The following WWC2 variants were observed in gnomAD, a reference collection of about 807,000 sequenced individuals.
WWC2 encodes WW and C2 domain containing 2, also known as protein WWC2.
A neutral mutation model predicts 138.5 loss-of-function variants in WWC2; 101 were observed. The ratio of observed to expected loss-of-function variants is 0.73; its 90% CI spans 0.62 to 0.86. The LOEUF is 0.86. Among genes scored for constraint, WWC2 ranks in the 40% least tolerant of loss-of-function variants. The pLI, the probability that WWC2 is intolerant of heterozygous loss-of-function variation, is 0.00. For missense variants in WWC2, 1,420 were observed against 1,419.4 expected (o/e 1.00, Z -0.01); for synonymous variants, 558 against 538.4 (o/e 1.04, Z -0.50).
intron 1 of WWC2, among the ~76,000 whole-genome samples, chr4:183,134,037 T>C (rs570159156): frequency 3.2e-4 from 48 of 152,336 alleles, no homozygotes; most frequent in Non-Finnish European, 6.3e-4. Context: ...CAGTTTCATT[T>C]TTTAAAGGAA....
chr4:183,123,734 CAT>C (rs1732675192), intron 1 of WWC2, among the ~76,000 whole-genome samples: 1 of 152,082 alleles, frequency 6.6e-6, no homozygotes. Flanking sequence ...GAATTTTCCA[CAT>C]GCCTTTTCAC....
intron 11 of WWC2, among the ~76,000 whole-genome samples, chr4:183,262,792 G>A (rs113712034): frequency 0.014 from 2,060 of 147,512 alleles, 26 homozygotes; most frequent in Non-Finnish European, 0.022. Flanking sequence ...GCGTGCGTGC[G>A]TGTGTGTGTG....
At chr4:183,118,387 G>A (rs1303545300) in intron 1 of WWC2, among the ~76,000 whole-genome samples, 1 of 152,080 alleles carries the variant, frequency 6.6e-6, no homozygotes, top group Non-Finnish European at 1.5e-5. Flanking sequence ...CCTGTTACAG[G>A]TTGCTGCACT....
intron 18 of WWC2, among the ~76,000 whole-genome samples, chr4:183,283,776 G>C (rs901755976): frequency 6.6e-6 from 1 of 152,068 alleles, no homozygotes; most frequent in Non-Finnish European, 1.5e-5. Flanking sequence ...CAAGTTTGTG[G>C]TATATTTCAT....
chr4:183,265,853 C>T lies in WWC2; in HGVS notation c.2121-12C>T, dbSNP rs1737487165. The stretch of plus-strand genomic sequence containing the variant: ...GGTGATTCCTGACTTCATTTAGCCT[C>T]TCTTTTGACAGATACAATGCAAAAA... On this transcript the variant is annotated splice_polypyrimidine_tract_variant and intron_variant, in intron 13 of 22. Transcript: ENST00000403733. The T allele has an allele frequency of 6.2e-7, 1 of 1,611,852 alleles. No homozygotes were observed. Among genetic ancestry groups the T allele is most frequent in the African/African-American group, 1.3e-5 (1 of 74,900 alleles).
At chr4:183,256,881 A>C (rs1272037522) in intron 9 of WWC2, among the ~76,000 whole-genome samples, 23 of 66,044 alleles carry the variant, frequency 3.5e-4, no homozygotes, top group East Asian at 1.2e-3. Flanking sequence ...GTGTGATCCT[A>C]CAGCCCCCCC....
At chr4:183,292,143 C>T (rs1738473873) in intron 21 of WWC2, among the ~76,000 whole-genome samples, 1 of 152,080 alleles carries the variant, frequency 6.6e-6, no homozygotes, top group Non-Finnish European at 1.5e-5. Context: ...CTGCAGTGAG[C>T]TGTGATTGCA....
intron 4 of WWC2, among the ~76,000 whole-genome samples, chr4:183,230,331 C>G (rs1736205020): frequency 6.6e-6 from 1 of 151,094 alleles, no homozygotes; most frequent in Non-Finnish European, 1.5e-5. Flanking sequence ...ATGTAGTCAA[C>G]CTAAGAACAG....
intron 1 of WWC2, among the ~76,000 whole-genome samples, chr4:183,138,706 T>C (rs992398613): frequency 2.6e-5 from 4 of 152,214 alleles, no homozygotes; most frequent in African/African-American, 9.6e-5. Context: ...CATTTCCTTT[T>C]CTGGCTACTG....
intron 21 of WWC2, among the ~76,000 whole-genome samples, chr4:183,306,881 C>CAAAA (rs55750701): frequency 8.2e-5 from 7 of 85,124 alleles, no homozygotes; most frequent in African/African-American, 1.8e-4. Flanking sequence ...ATATATGAGG[C>CAAAA]AAAAAAAAAA....
At chr4:183,247,105 C>G (rs1445399210) in intron 6 of WWC2, among the ~76,000 whole-genome samples, 1 of 152,032 alleles carries the variant, frequency 6.6e-6, no homozygotes, top group Admixed American at 6.6e-5. Context: ...ACCTCTTTGA[C>G]CACAGTAAGA....
chr4:183,165,975 A>G lies in WWC2; in HGVS notation c.132-27624A>G, dbSNP rs137990005. Reference sequence around the variant, plus strand: ...TAGTAACTTGATACATTTATGTAGCAGTGTTTTAATGTGTGCTTGTGATGA... The same window carrying G: ...TAGTAACTTGATACATTTATGTAGCGGTGTTTTAATGTGTGCTTGTGATGA... On this transcript the variant is annotated intron_variant, in intron 1 of 22. Transcript: ENST00000403733. Among the ~76,000 whole-genome samples, 18 of 152,342 alleles carry G rather than the reference A, an allele frequency of 1.2e-4. 1 individual carries two copies. The East Asian group carries it at 3.5e-3, about 29-fold the overall frequency.
At chr4:183,179,390 A>G (rs1375482651) in intron 1 of WWC2, among the ~76,000 whole-genome samples, 1 of 152,180 alleles carries the variant, frequency 6.6e-6, no homozygotes, top group Admixed American at 6.5e-5. Flanking sequence ...TTTTCAAAAG[A>G]CCACCAGCTG....
chr4:183,128,287 C>T (rs1732819389), intron 1 of WWC2, among the ~76,000 whole-genome samples: 1 of 151,978 alleles, frequency 6.6e-6, no homozygotes, highest in South Asian at 2.1e-4. Flanking sequence ...TACAGTGAGC[C>T]AAGACCGTGC....
At chr4:183,308,613 A>G (rs538525729) in intron 21 of WWC2, among the ~76,000 whole-genome samples, 30 of 152,334 alleles carry the variant, frequency 2.0e-4, no homozygotes, top group African/African-American at 7.0e-4. Context: ...AGGACTCCCC[A>G]TGGACACAGA....
intron 1 of WWC2, among the ~76,000 whole-genome samples, chr4:183,123,807 A>G (rs1042544010): frequency 1.3e-5 from 2 of 152,118 alleles, no homozygotes; most frequent in Non-Finnish European, 2.9e-5. Context: ...ATAAATTTAA[A>G]TTTAAAAGAT....
chr4:183,192,700 T>C (rs77569159), intron 1 of WWC2, among the ~76,000 whole-genome samples: 2,007 of 152,296 alleles, frequency 0.013, 48 homozygotes, highest in African/African-American at 0.044. Flanking sequence ...GGAGATTTTG[T>C]ATGTAAGAAC....
At chr4:183,269,998 A>G (rs1024563247) in intron 15 of WWC2, 4 of 152,392 alleles carry the variant, frequency 2.6e-5, no homozygotes, top group Non-Finnish European at 5.9e-5. Flanking sequence ...TCTGCAGTCC[A>G]GTGGGAAGCA....
At chr4:183,289,270 C>A in intron 20 of WWC2, 123 bp from the exon 21 acceptor site, 1 of 1,420,320 alleles carries the variant, frequency 7.0e-7, no homozygotes, top group Non-Finnish European at 9.4e-7. Context: ...TGCTCCTGCC[C>A]CTTAGGCCCT....
Sources: allele counts gnomAD v4.1 joint callset (sites outside exome capture counted in the v4.1 genomes callset), GRCh38; gene constraint gnomAD v4.1.1; transcripts MANE v1.5; gene names NCBI Gene and HGNC (gene_info 2026-07-23, HGNC 2026-07-21).